The following SDK1 variants were observed in gnomAD, a reference collection of about 807,000 sequenced individuals.
SDK1 encodes sidekick cell adhesion molecule 1.
A neutral mutation model predicts 245.5 loss-of-function variants in SDK1; 157 were observed. The observed-to-expected ratio is 0.64, with a 90% CI of 0.56 to 0.73. The LOEUF is 0.73. SDK1 is among the 30% of genes least tolerant of loss of function. The pLI is 0.00. For synonymous variants in SDK1, 1,647 were observed against 1,278.5 expected (o/e 1.29, Z -6.15); for missense variants, 3,583 against 3,002.3 (o/e 1.19, Z -4.52).
At chr7:4,262,264 C>A (rs1022810010) in intron 44 of SDK1, among the ~76,000 whole-genome samples, 18 of 151,710 alleles carry the variant, frequency 1.2e-4, no homozygotes, top group African/African-American at 4.4e-4. Context: ...TCTCGAACTC[C>A]TGACCTCAGG....
At chr7:4,113,471 A>G in intron 24 of SDK1, 32 bp downstream of exon 24, 1 of 1,611,014 alleles carries the variant, frequency 6.2e-7, no homozygotes, top group Non-Finnish European at 8.5e-7. Context: ...GGCTGGAGGC[A>G]CACGGGTCCT....
intron 20 of SDK1, among the ~76,000 whole-genome samples, chr7:4,073,785 C>T (rs1780426413): frequency 6.6e-6 from 1 of 152,136 alleles, no homozygotes; most frequent in African/African-American, 2.4e-5. Context: ...ACAAACTCAC[C>T]CGTCCAAACC....
intron 4 of SDK1, among the ~76,000 whole-genome samples, chr7:3,813,238 T>A (rs2115050056): frequency 6.9e-6 from 1 of 145,076 alleles, no homozygotes; most frequent in African/African-American, 2.5e-5. Context: ...ATTAGGTATA[T>A]CTCCCAATGC....
At chr7:3,406,271 G>A (rs1779053025) in intron 1 of SDK1, among the ~76,000 whole-genome samples, 2 of 152,150 alleles carry the variant, frequency 1.3e-5, no homozygotes, top group South Asian at 4.1e-4. Context: ...ATATTACACT[G>A]GACTCTTGGC....
At chr7:3,975,083 CT>C (rs1782808473) in intron 13 of SDK1, among the ~76,000 whole-genome samples, 2 of 152,180 alleles carry the variant, frequency 1.3e-5, no homozygotes, top group African/African-American at 4.8e-5. Flanking sequence ...CTGGACCTTC[CT>C]GGGGGTTCCA....
chr7:3,662,050 T>C, intron 4 of SDK1, among the ~76,000 whole-genome samples: 1 of 142,048 alleles, frequency 7.0e-6, no homozygotes, highest in Non-Finnish European at 1.5e-5. Context: ...TATTTTTTTT[T>C]TTTTTTTTTT....
chr7:4,207,811 T>C (rs978326741), intron 36 of SDK1, among the ~76,000 whole-genome samples: 2 of 152,132 alleles, frequency 1.3e-5, no homozygotes, highest in Admixed American at 6.5e-5. Context: ...TCACAACTTA[T>C]CTTCAACAGC....
chr7:3,608,026 G>T (rs562291537), intron 1 of SDK1, among the ~76,000 whole-genome samples: 2 of 152,194 alleles, frequency 1.3e-5, no homozygotes, highest in Non-Finnish European at 2.9e-5. Context: ...TTTTGGCAAC[G>T]ATTTAAAAGC....
intron 14 of SDK1, among the ~76,000 whole-genome samples, chr7:3,996,388 T>G (rs946941900): frequency 6.6e-6 from 1 of 152,234 alleles, no homozygotes; most frequent in Non-Finnish European, 1.5e-5. Context: ...CAGAAAAAAC[T>G]GAAATTATTT....
At chr7:3,688,017 A>G (rs1784340428) in intron 4 of SDK1, among the ~76,000 whole-genome samples, 1 of 152,208 alleles carries the variant, frequency 6.6e-6, no homozygotes, top group Non-Finnish European at 1.5e-5. Flanking sequence ...TCCAAAGATT[A>G]GAGGATTTCC....
chr7:3,955,577 G>T (rs1781197186), intron 7 of SDK1, among the ~76,000 whole-genome samples: 1 of 152,200 alleles, frequency 6.6e-6, no homozygotes, highest in Non-Finnish European at 1.5e-5. Flanking sequence ...CTAGCGTGCA[G>T]TGCAGGCCAG....
In SDK1 at chr7:3,958,979, T is replaced by G. The variant is rs777738716; in HGVS notation, c.1199T>G (p.Val400Gly). The G allele has an allele frequency of 1.9e-6, 3 of 1,613,850 alleles. No individual in the cohort carries two copies. Among genetic ancestry groups the G allele is most frequent in the Admixed American group, 1.7e-5 (1 of 59,996 alleles). The change falls in exon 8 of 45, where the codon GTA (valine) becomes GGA (glycine). Residue 400 changes from valine to glycine, a missense_variant. Physicochemically the swap from Val to Gly is moderately radical, Grantham distance 109 (BLOSUM62 -3). Coordinates refer to ENST00000404826, the MANE Select transcript of SDK1 (RefSeq NM_152744.4). ...CCCGAGAGTCGGATTTCAGCTGAAGTAGAAGAAACTGTGGACATCGGATGT... is the reference window on the plus strand; with the variant it reads ...CCCGAGAGTCGGATTTCAGCTGAAGGAGAAGAAACTGTGGACATCGGATGT... ...AEPESRISAE[V>G]EETVDIGCQA... is the part of the protein sequence containing the mutation.
chr7:3,863,510 C>T (rs370309373), intron 5 of SDK1, among the ~76,000 whole-genome samples: 4 of 152,188 alleles, frequency 2.6e-5, no homozygotes, highest in African/African-American at 7.2e-5. Context: ...ACCACCATTA[C>T]CACCATCCAT....
intron 5 of SDK1, among the ~76,000 whole-genome samples, chr7:3,895,536 C>T (rs1392406971): frequency 6.6e-6 from 1 of 152,186 alleles, no homozygotes; most frequent in Admixed American, 6.5e-5. Flanking sequence ...GACAGTGTAG[C>T]CATCTCGTGA....
At chr7:4,147,531 G>A (rs1378193603) in intron 29 of SDK1, among the ~76,000 whole-genome samples, 2 of 152,166 alleles carry the variant, frequency 1.3e-5, no homozygotes, top group Non-Finnish European at 2.9e-5. Flanking sequence ...GCCTCCCAAA[G>A]CTCTGGGATT....
chr7:3,882,002 C>G (rs1006851706), intron 5 of SDK1, among the ~76,000 whole-genome samples: 8 of 152,118 alleles, frequency 5.3e-5, no homozygotes, highest in Non-Finnish European at 8.8e-5. Flanking sequence ...GTTTAATGGA[C>G]TCACAGTTCC....
chr7:4,225,241 G>C (rs1785360360), intron 40 of SDK1, among the ~76,000 whole-genome samples: 1 of 152,126 alleles, frequency 6.6e-6, no homozygotes, highest in Non-Finnish European at 1.5e-5. Flanking sequence ...CTGGGTAAAG[G>C]ATACACAGAC....
chr7:3,704,707 A>T (rs1365910220), intron 4 of SDK1, among the ~76,000 whole-genome samples: 2 of 151,874 alleles, frequency 1.3e-5, no homozygotes, highest in Non-Finnish European at 2.9e-5. Context: ...GATCCCATTT[A>T]TTTATTTTCA....
At chr7:3,574,027 A>G (rs550616188) in intron 1 of SDK1, among the ~76,000 whole-genome samples, 7 of 151,922 alleles carry the variant, frequency 4.6e-5, no homozygotes, top group Non-Finnish European at 7.4e-5. Context: ...GGTTCTGCAG[A>G]TAGGTTGGGT....
Sources: allele counts gnomAD v4.1 joint callset (sites outside exome capture counted in the v4.1 genomes callset), GRCh38; gene constraint gnomAD v4.1.1; transcripts MANE v1.5; gene names NCBI Gene and HGNC (gene_info 2026-07-23, HGNC 2026-07-21).